EFR3A: variants seen among roughly 807,000 people sequenced by gnomAD.
EFR3A encodes the protein EFR3 homolog A.
Under a neutral mutation model 104.4 loss-of-function variants are expected in EFR3A, and 76 were observed. The ratio of observed to expected loss-of-function variants is 0.73; its 90% CI spans 0.60 to 0.88. EFR3A has a LOEUF of 0.88. EFR3A is among the 40% of genes least tolerant of loss of function. EFR3A has a pLI of 0.00. For missense variants in EFR3A, 985 were observed against 1,012.5 expected, an observed-to-expected ratio of 0.97 and a Z score of 0.37; for synonymous variants, 330 against 330.0, an observed-to-expected ratio of 1.00 and a Z score of 0.00.
chr8:131,957,316 A>C (rs561056849), intron 7 of EFR3A, among the ~76,000 whole-genome samples: 1 of 151,084 alleles, frequency 6.6e-6, no homozygotes, highest in African/African-American at 2.4e-5. Context: ...AAAACAAATA[A>C]TTCATGTCTA....
chr8:131,916,163 G>A (rs1816736678), intron 1 of EFR3A, among the ~76,000 whole-genome samples: 1 of 152,182 alleles, frequency 6.6e-6, no homozygotes, highest in African/African-American at 2.4e-5. Context: ...TGTAATAGAT[G>A]TTAATAATAA....
rs776974166 is a variant in EFR3A at position 132,010,810 on chromosome 8, G to A, written c.2381G>A (p.Gly794Glu). 1.2e-6 allele frequency: 2 copies of A among 1,612,284 alleles called. No homozygotes were observed. Among genetic ancestry groups the A allele is most frequent in the Non-Finnish European group, 1.7e-6 (2 of 1,178,790 alleles). Reference protein sequence around the residue: ...LTIRPPPSPSGTLTITSGHAQ... With the variant: ...LTIRPPPSPSETLTITSGHAQ... ...TATAGTCCTCCTCCCAGTCCATCAG[G>A]AACACTGACCATTACTTCTGGGCAT... is the stretch of plus-strand genomic sequence containing the variant. Residue 794 changes from glycine (G) to glutamate (E), a missense_variant, in exon 23 of 23, where the codon GGA becomes GAA. Transcript: ENST00000254624.
At chr8:132,009,361 AT>A (rs1007349542) in intron 22 of EFR3A, among the ~76,000 whole-genome samples, 2 of 151,982 alleles carry the variant, frequency 1.3e-5, no homozygotes, top group Non-Finnish European at 2.9e-5. Context: ...TAGTAAGATA[AT>A]TTTTTTTAAG....
intron 2 of EFR3A, among the ~76,000 whole-genome samples, chr8:131,941,112 A>G (rs1818151027): frequency 6.6e-6 from 1 of 152,142 alleles, no homozygotes; most frequent in African/African-American, 2.4e-5. Context: ...TAAGATCCAA[A>G]GAATAAATAG....
rs1409806903 is a variant in EFR3A at position 132,012,504 on chromosome 8, A to G, written c.*1609A>G. ...GGAGTCGTTACCGCTGGAGGACTAA[A>G]GGGCCCTGTGGCAGCTGTCACTGGA... On this transcript the variant is annotated 3_prime_UTR_variant, in exon 23 of 23. Coordinates refer to ENST00000254624, the MANE Select transcript of EFR3A (RefSeq NM_015137.6). 1.3e-5 allele frequency: 2 copies of G among 152,608 alleles called. No homozygotes were observed. The highest frequency in any genetic ancestry group is 4.8e-5 in the African/African-American group (2 of 41,446). 9.5% of individuals were successfully genotyped at this position (152,608 alleles called of 1,614,324 possible). A position where few individuals can be genotyped will look rare whatever the true frequency, so the allele number is the denominator to read the frequency against.
intron 14 of EFR3A, among the ~76,000 whole-genome samples, chr8:131,983,099 G>A (rs1045416670): frequency 3.3e-5 from 5 of 152,154 alleles, no homozygotes; most frequent in South Asian, 2.1e-4. Flanking sequence ...AGACATACTG[G>A]CTTCAGAAGA....
chr8:131,931,785 T>C lies in EFR3A; in HGVS notation c.11-8714T>C, dbSNP rs368238897. Among the ~76,000 whole-genome samples the C allele has an allele frequency of 2.2e-4, 33 of 152,164 alleles. 1 individual carries two copies. The East Asian group carries it at 3.7e-3, about 17-fold the overall frequency. On this transcript the variant is annotated intron_variant, in intron 1 of 22. Coordinates refer to ENST00000254624, the MANE Select transcript of EFR3A (RefSeq NM_015137.6). ...TAGGGTTTTTCATTTGTTTTACTGG[T>C]CTTCTATGTTTCTTTTTGTCTTCAT...
At position 131,904,332 on chromosome 8, in the gene EFR3A, C is replaced by A; in HGVS notation, c.10+10C>A. 8.0e-7 allele frequency: 1 copy of A among 1,251,164 alleles called. No individual in the cohort carries two copies. Among genetic ancestry groups the A allele is most frequent in the East Asian group, 3.2e-5 (1 of 31,686 alleles). 77.5% of individuals were successfully genotyped at this position (1,251,164 alleles called of 1,614,324 possible). On this transcript the variant is annotated intron_variant, in intron 1 of 22. Transcript: ENST00000254624. ...ATCGCCATGCCTACCCGTGAGTGGC[C>A]GGCCGAGGGCCGGGGGCGTTGGGAG...
At chr8:132,008,867 A>G (rs1233760075) in intron 22 of EFR3A, among the ~76,000 whole-genome samples, 15 of 150,348 alleles carry the variant, frequency 1.0e-4, no homozygotes, top group Non-Finnish European at 4.4e-5. Flanking sequence ...AAAAAAAAAA[A>G]AAAAAAAGAA....
At chr8:131,943,329 A>G (rs962973966) in intron 2 of EFR3A, among the ~76,000 whole-genome samples, 4 of 152,080 alleles carry the variant, frequency 2.6e-5, no homozygotes, top group African/African-American at 4.8e-5. Context: ...CCGTAAGTCA[A>G]TGCAGTTATT....
chr8:131,953,078 TC>T (rs924304442), intron 5 of EFR3A, among the ~76,000 whole-genome samples: 1 of 152,158 alleles, frequency 6.6e-6, no homozygotes. Flanking sequence ...TGTTTTCTAG[TC>T]ACTTTTCTTC....
At chr8:132,005,303 C>T (rs1284834169) in intron 22 of EFR3A, among the ~76,000 whole-genome samples, 1 of 152,028 alleles carries the variant, frequency 6.6e-6, no homozygotes, top group Non-Finnish European at 1.5e-5. Context: ...GTTAATTTGC[C>T]TCACCCTAAC....
At chr8:131,998,970 C>T (rs1349220287) in intron 19 of EFR3A, among the ~76,000 whole-genome samples, 3 of 152,054 alleles carry the variant, frequency 2.0e-5, no homozygotes, top group Admixed American at 2.0e-4. Context: ...AGAGGCATCT[C>T]TGTCTCCTGA....
At position 131,978,939 on chromosome 8, in the gene EFR3A, C is replaced by T. The variant is rs1302370380; in HGVS notation, c.1419C>T (p.Tyr473=). ...TATCACCATCTCTCATGGAGGACTACGAACTGAGACAGTTGGTCTTGGAAG... is the reference window on the plus strand; with the variant it reads ...TATCACCATCTCTCATGGAGGACTATGAACTGAGACAGTTGGTCTTGGAAG... The part of the protein sequence containing the change: ...PLLSPSLMED[Y]ELRQLVLEVM... The change falls in exon 13 of 23, where the codon TAC becomes TAT. Residue 473 remains tyrosine, a synonymous_variant. Transcript: ENST00000254624. 24 of 1,612,978 alleles carry T rather than the reference C, an allele frequency of 1.5e-5. No homozygotes were observed. Among genetic ancestry groups the T allele is most frequent in the South Asian group, 8.8e-5 (8 of 90,994 alleles).
At chr8:131,982,414 TAGTG>T (rs1447900983) in intron 14 of EFR3A, among the ~76,000 whole-genome samples, 1 of 152,122 alleles carries the variant, frequency 6.6e-6, no homozygotes, top group Non-Finnish European at 1.5e-5. Context: ...TCTTTCCAGT[TAGTG>T]AGTGTTATGA....
At chr8:131,980,882 T>G (rs1820574583) in intron 14 of EFR3A, among the ~76,000 whole-genome samples, 1 of 152,108 alleles carries the variant, frequency 6.6e-6, no homozygotes, top group Non-Finnish European at 1.5e-5. Flanking sequence ...TCAACTCTTT[T>G]AAATTCCACA....
rs573719647 is a variant in EFR3A at position 131,984,922 on chromosome 8, A to G, written c.1738-7A>G. 7 of 1,612,096 alleles carry G rather than the reference A, an allele frequency of 4.3e-6. No individual in the cohort carries two copies. In the South Asian group the frequency reaches 4.4e-5, roughly 10 times the overall value. On this transcript the variant is annotated splice_polypyrimidine_tract_variant and splice_region_variant and intron_variant, in intron 15 of 22. Coordinates refer to ENST00000254624, the MANE Select transcript of EFR3A (RefSeq NM_015137.6). The stretch of plus-strand genomic sequence containing the variant: ...GATCTCTCTGATGTGTTTGTTTCTT[A>G]TTAAAGGACAGTGCAATTATCAATG...
chr8:132,004,924 C>CT (rs1232661760), intron 22 of EFR3A, among the ~76,000 whole-genome samples: 2 of 152,184 alleles, frequency 1.3e-5, no homozygotes, highest in African/African-American at 4.8e-5. Flanking sequence ...ACTAACATAA[C>CT]TATATGAATT....
At chr8:131,947,294 G>C (rs552077260) in intron 4 of EFR3A, among the ~76,000 whole-genome samples, 1 of 151,776 alleles carries the variant, frequency 6.6e-6, no homozygotes, top group Non-Finnish European at 1.5e-5. Flanking sequence ...GCACGTGCTC[G>C]TTGACTATTG....
Sources: gnomAD v4.1 joint callset for allele counts (sites outside exome capture counted in the v4.1 genomes callset) on GRCh38, gnomAD v4.1.1 for gene constraint, MANE v1.5 for transcripts, NCBI Gene and HGNC (gene_info 2026-07-23, HGNC 2026-07-21) for gene names.